Variants in NBEA observed in about 807,000 individuals in gnomAD.
NBEA encodes the protein lysosomal-trafficking regulator 2.
NBEA carries 44 observed loss-of-function variants against 343.4 expected under a neutral mutation model. The ratio of observed to expected loss-of-function variants is 0.13; its 90% CI spans 0.10 to 0.16. NBEA has a LOEUF of 0.16. Among genes scored for constraint, NBEA ranks in the 10% least tolerant of loss-of-function variants. The pLI is 1.00. For missense variants in NBEA, 2,555 were observed against 3,631.3 expected, an observed-to-expected ratio of 0.70 and a Z score of 7.62; for synonymous variants, 1,175 against 1,238.7, an observed-to-expected ratio of 0.95 and a Z score of 1.08.
intron 33 of NBEA, among the ~76,000 whole-genome samples, chr13:35,213,487 C>T (rs1209074411): frequency 6.6e-6 from 1 of 151,904 alleles, no homozygotes; most frequent in Non-Finnish European, 1.5e-5. Flanking sequence ...TTAAAAACAA[C>T]TTGCTGGGGT....
At chr13:35,338,728 TG>T (rs1266881189) in intron 36 of NBEA, among the ~76,000 whole-genome samples, 2 of 152,056 alleles carry the variant, frequency 1.3e-5, no homozygotes, top group Non-Finnish European at 2.9e-5. Context: ...CTTATGACTA[TG>T]GATGCAAAAA....
chr13:35,201,613 T>C (rs1192472736), intron 31 of NBEA, among the ~76,000 whole-genome samples: 3 of 152,054 alleles, frequency 2.0e-5, no homozygotes, highest in Non-Finnish European at 4.4e-5. Context: ...TTCAATTTGT[T>C]CCAGGACCTT....
At chr13:35,446,049 G>C (rs1223091366) in intron 39 of NBEA, among the ~76,000 whole-genome samples, 1 of 150,440 alleles carries the variant, frequency 6.6e-6, no homozygotes, top group Non-Finnish European at 1.5e-5. Context: ...TCCCACCTAT[G>C]AGTGAGAACA....
intron 35 of NBEA, among the ~76,000 whole-genome samples, chr13:35,298,211 G>GTGTGTGTGTATA (rs1233681936): frequency 9.7e-6 from 1 of 103,042 alleles, no homozygotes; most frequent in Non-Finnish European, 1.8e-5. Flanking sequence ...GTGTGTGTGT[G>GTGTGTGTGTATA]TATATATATA....
intron 38 of NBEA, among the ~76,000 whole-genome samples, chr13:35,393,735 A>G (rs960431357): frequency 2.0e-5 from 3 of 152,142 alleles, no homozygotes; most frequent in Non-Finnish European, 2.9e-5. Flanking sequence ...ATACAATTTT[A>G]GTGTATGGTT....
intron 8 of NBEA, among the ~76,000 whole-genome samples, chr13:35,068,443 C>T (rs1168084021): frequency 6.6e-6 from 1 of 152,086 alleles, no homozygotes; most frequent in African/African-American, 2.4e-5. Flanking sequence ...TGGTAAATTG[C>T]AGACACGGAA....
At position 34,979,560 on chromosome 13, in the gene NBEA, C is replaced by T. The variant is rs150309232; in HGVS notation, c.294+36446C>T. On this transcript the variant is annotated intron_variant, in intron 1 of 58. Transcript: ENST00000379939. ...AAAAACAATTTTCCCCTGGGAAGTA[C>T]CTATTCAAATCTTTTGCCAATTTGT... is the stretch of plus-strand genomic sequence containing the variant. Among the ~76,000 whole-genome samples the T allele has an allele frequency of 2.0e-3, 311 of 151,916 alleles. 2 individuals are homozygous for T. Among genetic ancestry groups the T allele is most frequent in the Admixed American group, 0.015 (232 of 15,232 alleles).
intron 35 of NBEA, among the ~76,000 whole-genome samples, chr13:35,300,963 A>AT (rs2036500560): frequency 6.6e-6 from 1 of 152,172 alleles, no homozygotes; most frequent in African/African-American, 2.4e-5. Flanking sequence ...TAAAAAAAAA[A>AT]TTATCTTTGC....
At chr13:35,405,732 G>A (rs2043235870) in intron 38 of NBEA, among the ~76,000 whole-genome samples, 1 of 152,094 alleles carries the variant, frequency 6.6e-6, no homozygotes, top group South Asian at 2.1e-4. Flanking sequence ...GTAATCAAAT[G>A]TTGAAGTCTT....
chr13:35,187,829 C>G (rs1173465095), intron 30 of NBEA, among the ~76,000 whole-genome samples: 3 of 152,054 alleles, frequency 2.0e-5, no homozygotes, highest in African/African-American at 7.2e-5. Context: ...TCATGCTATT[C>G]TTTCTTTTGC....
intron 55 of NBEA, among the ~76,000 whole-genome samples, chr13:35,656,896 T>G (rs527547699): frequency 1.3e-5 from 2 of 152,152 alleles, no homozygotes; most frequent in Non-Finnish European, 2.9e-5. Flanking sequence ...ACTAAAATAC[T>G]ATAAGAGTAG....
intron 41 of NBEA, among the ~76,000 whole-genome samples, chr13:35,509,112 A>G (rs2152985412): frequency 6.6e-6 from 1 of 152,136 alleles, no homozygotes; most frequent in South Asian, 2.1e-4. Context: ...CTCTTGTCTG[A>G]CCTGTGTCTG....
At chr13:35,275,816 T>G (rs142673591) in intron 34 of NBEA, among the ~76,000 whole-genome samples, 2 of 152,100 alleles carry the variant, frequency 1.3e-5, no homozygotes, top group South Asian at 4.1e-4. Flanking sequence ...TACCATCTCA[T>G]GCCAGTTAGA....
intron 34 of NBEA, among the ~76,000 whole-genome samples, chr13:35,264,158 A>G (rs1258258203): frequency 6.6e-6 from 1 of 151,850 alleles, no homozygotes; most frequent in Admixed American, 6.6e-5. Context: ...GATACCCTAG[A>G]AGAAATGAAA....
At chr13:35,279,036 A>G (rs1168854409) in intron 34 of NBEA, among the ~76,000 whole-genome samples, 1 of 152,170 alleles carries the variant, frequency 6.6e-6, no homozygotes, top group Non-Finnish European at 1.5e-5. Flanking sequence ...CTCACAGGCC[A>G]TATAAAACAG....
intron 38 of NBEA, among the ~76,000 whole-genome samples, chr13:35,365,621 T>C (rs2152878171): frequency 6.6e-6 from 1 of 151,836 alleles, no homozygotes; most frequent in African/African-American, 2.4e-5. Context: ...ATAAATTTCT[T>C]GACACTTGCT....
At chr13:35,604,562 CCTTTA>C (rs112522833) in intron 47 of NBEA, among the ~76,000 whole-genome samples, 14,826 of 152,006 alleles carry the variant, frequency 0.098, 836 homozygotes, top group African/African-American at 0.15. Flanking sequence ...TCCAATCTCT[CCTTTA>C]CTTTGTCACC....
rs565183786 is a variant in NBEA at position 35,047,695 on chromosome 13, G to A, written c.724-868G>A. On this transcript the variant is annotated intron_variant, in intron 4 of 58. Coordinates refer to ENST00000379939, the MANE Select transcript of NBEA (RefSeq NM_001385012.1). ...GGTTTGTTGGAGCCATAGCACGTGG[G>A]AAGTCCTGTATAACATGAAGAAATT... is the stretch of plus-strand genomic sequence containing the variant. Among the ~76,000 whole-genome samples, 7 of 151,802 alleles carry A rather than the reference G, an allele frequency of 4.6e-5. No homozygotes were observed. In the South Asian group the frequency reaches 1.5e-3, roughly 32 times the overall value.
intron 53 of NBEA, 85 bp from the exon 54 acceptor site, chr13:35,654,770 A>T: frequency 9.6e-7 from 1 of 1,042,236 alleles, no homozygotes; most frequent in Non-Finnish European, 1.4e-6. Flanking sequence ...TAAATGAAGC[A>T]TGAAAGTATT....
Sources: allele counts gnomAD v4.1 joint callset (sites outside exome capture counted in the v4.1 genomes callset), GRCh38; gene constraint gnomAD v4.1.1; transcripts MANE v1.5; gene names NCBI Gene and HGNC (gene_info 2026-07-23, HGNC 2026-07-21).